ADGRL3: variants seen among roughly 807,000 people sequenced by gnomAD.
ADGRL3 encodes the protein adhesion G protein-coupled receptor L3.
In ADGRL3, 62 loss-of-function variants were observed where a neutral mutation model predicts 153.5. The ratio of observed to expected loss-of-function variants is 0.40; its 90% CI spans 0.33 to 0.50. ADGRL3 has a LOEUF of 0.50. ADGRL3 is among the 20% of genes least tolerant of loss of function. ADGRL3 has a pLI of 0.47. For synonymous variants in ADGRL3, 710 were observed against 672.5 expected, an observed-to-expected ratio of 1.06 and a Z score of -0.86; for missense variants, 1,641 against 1,859.4, an observed-to-expected ratio of 0.88 and a Z score of 2.16.
intron 13 of ADGRL3, among the ~76,000 whole-genome samples, chr4:61,913,180 C>A (rs1210881543): frequency 2.0e-5 from 3 of 152,078 alleles, no homozygotes; most frequent in Admixed American, 2.0e-4. Flanking sequence ...GCTTCTGTTC[C>A]TTAGTAGAGC....
At chr4:61,676,602 C>A (rs1466957715) in intron 5 of ADGRL3, among the ~76,000 whole-genome samples, 1 of 151,818 alleles carries the variant, frequency 6.6e-6, no homozygotes, top group Admixed American at 6.6e-5. Flanking sequence ...TGTATTCAAC[C>A]AAATATTAAA....
chr4:61,347,543 C>T (rs1251021611), intron 1 of ADGRL3, among the ~76,000 whole-genome samples: 1 of 152,060 alleles, frequency 6.6e-6, no homozygotes, highest in African/African-American at 2.4e-5. Flanking sequence ...TGTATGCCTA[C>T]GTTAACCCCC....
At chr4:61,614,454 G>A (rs145787545) in intron 5 of ADGRL3, among the ~76,000 whole-genome samples, 4 of 152,228 alleles carry the variant, frequency 2.6e-5, no homozygotes, top group Admixed American at 1.3e-4. Flanking sequence ...TTTCACTGCA[G>A]GATGTGAGCA....
chr4:61,556,865 A>G (rs2098769635), intron 4 of ADGRL3, among the ~76,000 whole-genome samples: 1 of 152,194 alleles, frequency 6.6e-6, no homozygotes. Flanking sequence ...GTGTGTTAAC[A>G]CAGGCCCTTC....
At chr4:61,596,827 C>T (rs1336749892) in intron 5 of ADGRL3, among the ~76,000 whole-genome samples, 3 of 152,132 alleles carry the variant, frequency 2.0e-5, no homozygotes, top group Admixed American at 6.5e-5. Context: ...TACTGCACTC[C>T]AGCCTGGGTG....
intron 8 of ADGRL3, among the ~76,000 whole-genome samples, chr4:61,766,829 A>G (rs1376695399): frequency 6.6e-6 from 1 of 151,994 alleles, no homozygotes; most frequent in African/African-American, 2.4e-5. Flanking sequence ...TATTGAGGAT[A>G]GGAGAGTATA....
In ADGRL3 at chr4:61,734,983, T is replaced by G. The variant is rs112521608; in HGVS notation, c.1399+1429T>G. ...GTGCAATCCTGTTAATATTTCTTAT[T>G]TTCTGCATTATGTTTCAAATTACTC... is the stretch of plus-strand genomic sequence containing the variant. On this transcript the variant is annotated intron_variant, in intron 8 of 26. Coordinates refer to ENST00000683033, the MANE Select transcript of ADGRL3 (RefSeq NM_001387552.1). Among the ~76,000 whole-genome samples, 9 of 152,350 alleles carry G rather than the reference T, an allele frequency of 5.9e-5. 1 individual carries two copies. Among genetic ancestry groups the G allele is most frequent in the African/African-American group, 2.2e-4 (9 of 41,592 alleles).
chr4:61,673,521 T>C (rs2150837354), intron 5 of ADGRL3, among the ~76,000 whole-genome samples: 1 of 151,866 alleles, frequency 6.6e-6, no homozygotes, highest in Middle Eastern at 3.5e-3. Flanking sequence ...TATAATATTT[T>C]AGAATGAATT....
chr4:61,333,773 A>T (rs768712419), intron 1 of ADGRL3, among the ~76,000 whole-genome samples: 2 of 151,656 alleles, frequency 1.3e-5, no homozygotes, highest in East Asian at 1.9e-4. Flanking sequence ...TTAATTAATT[A>T]ATTTATTAAT....
At chr4:62,012,750 A>C (rs985635941) in intron 21 of ADGRL3, among the ~76,000 whole-genome samples, 1 of 152,168 alleles carries the variant, frequency 6.6e-6, no homozygotes, top group South Asian at 2.1e-4. Context: ...TGTGTTTAAC[A>C]CCTATGATTA....
At chr4:61,987,945 A>G (rs1047433497) in intron 19 of ADGRL3, among the ~76,000 whole-genome samples, 5 of 152,248 alleles carry the variant, frequency 3.3e-5, no homozygotes, top group South Asian at 2.1e-4. Context: ...ATAATACCTT[A>G]CATTTCTAAA....
At chr4:61,486,549 T>G (rs1319584269) in intron 2 of ADGRL3, among the ~76,000 whole-genome samples, 7 of 152,164 alleles carry the variant, frequency 4.6e-5, no homozygotes, top group Non-Finnish European at 8.8e-5. Context: ...ACCTATCATA[T>G]ACCAAGTTCC....
chr4:61,430,481 A>T (rs1379735561), intron 2 of ADGRL3, among the ~76,000 whole-genome samples: 1 of 152,202 alleles, frequency 6.6e-6, no homozygotes, highest in African/African-American at 2.4e-5. Context: ...CCACCACTGT[A>T]CAGAGAGTAA....
At chr4:61,286,290 A>G (rs902584657) in intron 1 of ADGRL3, among the ~76,000 whole-genome samples, 1 of 150,944 alleles carries the variant, frequency 6.6e-6, no homozygotes, top group East Asian at 1.9e-4. Flanking sequence ...ATCCTCAGAG[A>G]GCAATGAAGG....
At chr4:61,820,663 C>T (rs937439440) in intron 9 of ADGRL3, among the ~76,000 whole-genome samples, 1 of 151,984 alleles carries the variant, frequency 6.6e-6, no homozygotes, top group African/African-American at 2.4e-5. Flanking sequence ...TATTTCTGTA[C>T]GCAAGTAAGA....
chr4:61,783,524 C>T (rs929623014), intron 8 of ADGRL3, among the ~76,000 whole-genome samples: 1 of 151,916 alleles, frequency 6.6e-6, no homozygotes, highest in Non-Finnish European at 1.5e-5. Flanking sequence ...GTATATAAAG[C>T]CTCTCAATGA....
intron 5 of ADGRL3, among the ~76,000 whole-genome samples, chr4:61,609,999 T>TGG (rs1466460423): frequency 6.6e-6 from 1 of 151,908 alleles, no homozygotes; most frequent in East Asian, 1.9e-4. Context: ...AAAGTAAAAA[T>TGG]GGGCAGTGTT....
intron 18 of ADGRL3, among the ~76,000 whole-genome samples, chr4:61,983,114 T>C (rs2099074119): frequency 6.6e-6 from 1 of 152,176 alleles, no homozygotes; most frequent in Non-Finnish European, 1.5e-5. Context: ...TCATAGGCTC[T>C]TATTAGAATT....
chr4:61,499,096 G>T (rs879697021), intron 3 of ADGRL3, among the ~76,000 whole-genome samples: 2 of 152,158 alleles, frequency 1.3e-5, no homozygotes, highest in Non-Finnish European at 2.9e-5. Context: ...ACCCATTGTA[G>T]TTCGTCAGTG....
Sources: allele counts gnomAD v4.1 joint callset (sites outside exome capture counted in the v4.1 genomes callset), GRCh38; gene constraint gnomAD v4.1.1; transcripts MANE v1.5; gene names NCBI Gene and HGNC (gene_info 2026-07-23, HGNC 2026-07-21).